The following BCAS1 variants were observed in gnomAD, a reference collection of about 807,000 sequenced individuals.
BCAS1 encodes the protein brain enriched myelin associated protein 1, also known as breast carcinoma-amplified sequence 1.
BCAS1 carries 46 observed loss-of-function variants against 65.4 expected under a neutral mutation model. That is an observed-to-expected ratio of 0.70 (90% CI 0.55 to 0.90). The LOEUF is 0.90. Ranked by LOEUF, BCAS1 falls within the 40% of genes least tolerant of loss-of-function variation. The probability of loss-of-function intolerance (pLI) is 0.00; values close to 1 mark genes in which losing one functional copy is unlikely to be tolerated. For missense variants in BCAS1, 793 were observed against 771.2 expected (o/e 1.03, Z -0.33); for synonymous variants, 298 against 293.5 (o/e 1.02, Z -0.16).
At chr20:53,994,605 C>A (rs541864997) in intron 6 of BCAS1, among the ~76,000 whole-genome samples, 49 of 152,100 alleles carry the variant, frequency 3.2e-4, no homozygotes, top group African/African-American at 1.2e-3. Context: ...TTTTTAGAGT[C>A]CACGTCCTAC....
intron 8 of BCAS1, among the ~76,000 whole-genome samples, chr20:53,977,970 T>C (rs2090377461): frequency 6.6e-6 from 1 of 151,880 alleles, no homozygotes; most frequent in African/African-American, 2.4e-5. Flanking sequence ...ACATGTGCCA[T>C]GCTGGTGCGC....
intron 9 of BCAS1, among the ~76,000 whole-genome samples, chr20:53,967,584 C>T (rs2090068446): frequency 6.6e-6 from 1 of 152,228 alleles, no homozygotes; most frequent in African/African-American, 2.4e-5. Context: ...TTGACTTCCT[C>T]ATTAAGCGAT....
chr20:53,972,287 T>A (rs2090199894), intron 9 of BCAS1, among the ~76,000 whole-genome samples: 1 of 152,204 alleles, frequency 6.6e-6, no homozygotes, highest in African/African-American at 2.4e-5. Context: ...AGGAGGAAAT[T>A]AAAGCTAACT....
chr20:54,058,049 C>G, intron 3 of BCAS1, 36 bp downstream of exon 3: 4 of 1,533,198 alleles, frequency 2.6e-6, no homozygotes, highest in Non-Finnish European at 3.6e-6. Context: ...CCCTTCCCCA[C>G]GAGAGGGTAG....
rs117879520 is a variant in BCAS1, at chr20:54,028,347, C to T, written c.723+45G>A. ...AGTGGTCTTATCCCATTAGCGCCCC[C>T]GAGCATGCATTCAGAACCAAGTGGA... On this transcript the variant is annotated intron_variant, in intron 4 of 12. Coordinates refer to ENST00000688948, the MANE Select transcript of BCAS1 (RefSeq NM_001366298.2). 6.6e-4 allele frequency: 1,064 copies of T among 1,603,974 alleles called. 18 individuals are homozygous for T. In the East Asian group the frequency reaches 0.021, roughly 32 times the overall value.
intron 8 of BCAS1, among the ~76,000 whole-genome samples, chr20:53,980,673 C>T (rs1029699559): frequency 1.3e-5 from 2 of 152,224 alleles, no homozygotes; most frequent in African/African-American, 4.8e-5. Context: ...TCTCTACTCT[C>T]CTTGAAAGCT....
intron 4 of BCAS1, among the ~76,000 whole-genome samples, chr20:53,999,938 C>T (rs1388208326): frequency 6.6e-6 from 1 of 152,096 alleles, no homozygotes; most frequent in Non-Finnish European, 1.5e-5. Flanking sequence ...CCGTGTTGGC[C>T]AGGCTGGTCT....
intron 8 of BCAS1, among the ~76,000 whole-genome samples, chr20:53,981,178 T>C (rs1411585137): frequency 6.6e-6 from 1 of 152,192 alleles, no homozygotes; most frequent in Non-Finnish European, 1.5e-5. Context: ...AAAGCATCAT[T>C]TTGATCATGT....
intron 10 of BCAS1, among the ~76,000 whole-genome samples, chr20:53,959,949 C>G (rs2089824219): frequency 6.6e-6 from 1 of 152,182 alleles, no homozygotes; most frequent in Admixed American, 6.5e-5. Flanking sequence ...ATAACCAGCT[C>G]TGTCAGCCTT....
At position 53,943,978 on chromosome 20, in the gene BCAS1, A is replaced by C. The variant is rs1279055750; in HGVS notation, c.*944T>G. Reference sequence around the variant, plus strand: ...TATTTTTTATTTATTTTTTTTTTTTAAGTTGTAATCTTTGCCGTTGTCACT... The same window carrying C: ...TATTTTTTATTTATTTTTTTTTTTTCAGTTGTAATCTTTGCCGTTGTCACT... On this transcript the variant is annotated 3_prime_UTR_variant, in exon 13 of 13. Coordinates refer to ENST00000688948, the MANE Select transcript of BCAS1 (RefSeq NM_001366298.2). 1 of 150,948 alleles carries C rather than the reference A, an allele frequency of 6.6e-6. No homozygotes were observed. Among genetic ancestry groups the C allele is most frequent in the East Asian group, 1.9e-4 (1 of 5,172 alleles). The allele number at this position is 150,948 out of a possible 1,614,324, so 9.4% of individuals were successfully genotyped here.
chr20:53,944,881 C>G lies in BCAS1; in HGVS notation c.*41G>C, dbSNP rs774758065. 5.1e-5 allele frequency: 81 copies of G among 1,573,538 alleles called. 1 individual carries two copies. Among genetic ancestry groups the G allele is most frequent in the Non-Finnish European group, 6.9e-5 (79 of 1,143,250 alleles). On this transcript the variant is annotated 3_prime_UTR_variant, in exon 13 of 13. Coordinates refer to ENST00000688948, the MANE Select transcript of BCAS1 (RefSeq NM_001366298.2). ...AGGAGATGGAGTAAGGAGAACACATCTTGGTGGCAGGAGAACCTGGTGGGA... is the reference window on the plus strand; with the variant it reads ...AGGAGATGGAGTAAGGAGAACACATGTTGGTGGCAGGAGAACCTGGTGGGA...
rs208381 is a variant in BCAS1, at chr20:53,995,001, C to T, written c.927+11G>A. On this transcript the variant is annotated intron_variant, in intron 6 of 12. Transcript: ENST00000688948. ...ACCCAAATATATACATACACACTTC[C>T]AACTACCTACCGTGTCTTCTGGGTC... 1.2e-6 allele frequency: 2 copies of T among 1,611,756 alleles called. No homozygotes were observed. Among genetic ancestry groups the T allele is most frequent in the Non-Finnish European group, 1.7e-6 (2 of 1,178,922 alleles).
chr20:53,946,922 G>C (rs961395730), intron 12 of BCAS1, among the ~76,000 whole-genome samples: 4 of 151,928 alleles, frequency 2.6e-5, no homozygotes, highest in Non-Finnish European at 5.9e-5. Flanking sequence ...AGTATATAGA[G>C]TGTATTATAG....
At chr20:54,054,911 G>A (rs1037458770) in intron 3 of BCAS1, among the ~76,000 whole-genome samples, 1 of 152,102 alleles carries the variant, frequency 6.6e-6, no homozygotes, top group South Asian at 2.1e-4. Context: ...TCTCAAATAT[G>A]TGCATACATG....
At chr20:53,968,145 G>A (rs1399475042) in intron 9 of BCAS1, among the ~76,000 whole-genome samples, 1 of 152,172 alleles carries the variant, frequency 6.6e-6, no homozygotes, top group Non-Finnish European at 1.5e-5. Flanking sequence ...CAGCACACGC[G>A]ACCACGCCTG....
intron 7 of BCAS1, among the ~76,000 whole-genome samples, chr20:53,986,374 A>G (rs533146949): frequency 1.6e-4 from 24 of 152,208 alleles, no homozygotes; most frequent in Non-Finnish European, 3.1e-4. Context: ...GAGTCATGAG[A>G]TAAAGGAAGA....
chr20:54,056,348 C>T lies in BCAS1; in HGVS notation c.142+1737G>A, dbSNP rs374236159. 5.3e-5 allele frequency among the ~76,000 whole-genome samples: 8 copies of T among 152,198 alleles called. No individual in the cohort carries two copies. In the East Asian group the frequency reaches 9.6e-4, roughly 18 times the overall value. On this transcript the variant is annotated intron_variant, in intron 3 of 12. Coordinates refer to ENST00000688948, the MANE Select transcript of BCAS1 (RefSeq NM_001366298.2). ...GAGGCCATTATCCTAAGTGAAGCAA[C>T]TTAAGGACAGAAACCAAATACTGCA...
At position 54,016,574 on chromosome 20, in the gene BCAS1, G is replaced by A. The variant is rs529282334; in HGVS notation, c.723+11818C>T. Among the ~76,000 whole-genome samples the A allele has an allele frequency of 2.6e-5, 4 of 152,348 alleles. 1 individual carries two copies. In the South Asian group the frequency reaches 8.3e-4, roughly 32 times the overall value. On this transcript the variant is annotated intron_variant, in intron 4 of 12. Transcript: ENST00000688948. ...AAATGCAGATTTGCTCATTCAGAAAGCATGTGTGTTTGAAGACTTTAAAAT... is the reference window on the plus strand; with the variant it reads ...AAATGCAGATTTGCTCATTCAGAAAACATGTGTGTTTGAAGACTTTAAAAT...
chr20:53,965,413 T>A (rs2090000644), intron 10 of BCAS1, among the ~76,000 whole-genome samples: 1 of 152,232 alleles, frequency 6.6e-6, no homozygotes, highest in South Asian at 2.1e-4. Context: ...AAATTCTTGT[T>A]TTTCATTAAA....
Sources: allele counts gnomAD v4.1 joint callset (sites outside exome capture counted in the v4.1 genomes callset), GRCh38; gene constraint gnomAD v4.1.1; transcripts MANE v1.5; gene names NCBI Gene and HGNC (gene_info 2026-07-23, HGNC 2026-07-21).